Variants in MGAT4C observed in about 807,000 individuals in gnomAD.
The protein encoded by MGAT4C is MGAT4 family member C.
Under a neutral mutation model 40.1 loss-of-function variants are expected in MGAT4C, and 19 were observed. That is an observed-to-expected ratio of 0.47 (90% CI 0.33 to 0.70). The LOEUF (loss-of-function observed/expected upper bound fraction) is 0.70. MGAT4C is among the 30% of genes least tolerant of loss of function. The probability of loss-of-function intolerance (pLI) is 0.02; values close to 1 mark genes in which losing one functional copy is unlikely to be tolerated. For missense variants in MGAT4C, 491 were observed against 563.2 expected (o/e 0.87, Z 1.30); for synonymous variants, 181 against 187.1 (o/e 0.97, Z 0.27).
intron 2 of MGAT4C, among the ~76,000 whole-genome samples, chr12:86,017,629 G>A (rs974884673): frequency 5.3e-5 from 8 of 152,024 alleles, no homozygotes; most frequent in Non-Finnish European, 8.8e-5. Flanking sequence ...CTGAGTACTG[G>A]GGGAACCTCA....
At chr12:86,013,055 A>G (rs1021236678) in intron 2 of MGAT4C, among the ~76,000 whole-genome samples, 1 of 152,002 alleles carries the variant, frequency 6.6e-6, no homozygotes, top group African/African-American at 2.4e-5. Context: ...GGATTGCTTG[A>G]ACCCAGGCAT....
At chr12:86,605,298 G>A (rs1442490656) in intron 2 of MGAT4C, among the ~76,000 whole-genome samples, 2 of 151,830 alleles carry the variant, frequency 1.3e-5, no homozygotes, top group Admixed American at 6.6e-5. Context: ...TCAGTTTCAG[G>A]GATGGGAGTT....
chr12:86,513,657 G>A (rs369086498), intron 2 of MGAT4C, among the ~76,000 whole-genome samples: 9 of 152,098 alleles, frequency 5.9e-5, no homozygotes, highest in Admixed American at 1.3e-4. Context: ...TGGTATCAAT[G>A]GGAATGGTAG....
chr12:86,754,950 C>G (rs140247823), intron 1 of MGAT4C, among the ~76,000 whole-genome samples: 1 of 152,000 alleles, frequency 6.6e-6, no homozygotes, highest in African/African-American at 2.4e-5. Flanking sequence ...TGGTGAGTCT[C>G]TCAAATAATT....
intron 4 of MGAT4C, among the ~76,000 whole-genome samples, chr12:86,311,588 T>C (rs563455504): frequency 6.6e-6 from 1 of 152,248 alleles, no homozygotes; most frequent in South Asian, 2.1e-4. Context: ...AGAGCTGGCT[T>C]CATGGGTATG....
chr12:86,729,195 A>C, intron 1 of MGAT4C, among the ~76,000 whole-genome samples: 1 of 152,176 alleles, frequency 6.6e-6, no homozygotes, highest in Non-Finnish European at 1.5e-5. Flanking sequence ...TTGTACATTT[A>C]AAATAAGTAG....
At chr12:86,588,134 A>T (rs1003516879) in intron 2 of MGAT4C, among the ~76,000 whole-genome samples, 3 of 151,596 alleles carry the variant, frequency 2.0e-5, no homozygotes, top group Non-Finnish European at 4.4e-5. Flanking sequence ...TCAATACCTA[A>T]TTTATTGAGA....
intron 2 of MGAT4C, chr12:86,013,838 T>A: frequency 1.3e-6 from 1 of 797,246 alleles, no homozygotes; most frequent in Non-Finnish European, 1.5e-6. Context: ...TTTTCCATCA[T>A]TCTATTCAAG....
intron 1 of MGAT4C, among the ~76,000 whole-genome samples, chr12:86,069,293 T>C (rs886650018): frequency 1.3e-5 from 2 of 152,150 alleles, no homozygotes; most frequent in Admixed American, 1.3e-4. Flanking sequence ...CACCAACAAA[T>C]ACAGTAATTC....
At chr12:86,497,341 C>T (rs1958255024) in intron 2 of MGAT4C, among the ~76,000 whole-genome samples, 1 of 151,874 alleles carries the variant, frequency 6.6e-6, no homozygotes, top group African/African-American at 2.4e-5. Flanking sequence ...GTTTTTGATG[C>T]TTTGACAAGG....
intron 2 of MGAT4C, among the ~76,000 whole-genome samples, chr12:86,726,116 A>G (rs535886550): frequency 5.9e-5 from 9 of 152,340 alleles, no homozygotes; most frequent in African/African-American, 2.2e-4. Context: ...TAATTACAAC[A>G]GAAACATCAT....
intron 2 of MGAT4C, among the ~76,000 whole-genome samples, chr12:85,997,210 G>T (rs1886727382): frequency 6.6e-6 from 1 of 152,170 alleles, no homozygotes; most frequent in South Asian, 2.1e-4. Flanking sequence ...ATCAGATATT[G>T]TGAGACTTAT....
chr12:86,414,259 T>C (rs1476002154), intron 3 of MGAT4C, among the ~76,000 whole-genome samples: 1 of 152,048 alleles, frequency 6.6e-6, no homozygotes, highest in Non-Finnish European at 1.5e-5. Flanking sequence ...ACATAAAGAT[T>C]CTAAGAATGG....
intron 4 of MGAT4C, among the ~76,000 whole-genome samples, chr12:86,313,066 G>A (rs997588370): frequency 1.3e-5 from 2 of 152,032 alleles, no homozygotes; most frequent in African/African-American, 4.8e-5. Context: ...GTGTTACAGT[G>A]GTGGCTAATG....
intron 1 of MGAT4C, among the ~76,000 whole-genome samples, chr12:86,158,757 T>C (rs1367041309): frequency 6.6e-6 from 1 of 152,156 alleles, no homozygotes; most frequent in Non-Finnish European, 1.5e-5. Context: ...TTATACCTCC[T>C]TGGTTAGCTA....
intron 3 of MGAT4C, among the ~76,000 whole-genome samples, chr12:86,361,095 G>A (rs544457485): frequency 6.6e-6 from 1 of 152,182 alleles, no homozygotes; most frequent in South Asian, 2.1e-4. Flanking sequence ...ATACTACAAG[G>A]CTATAGCAAC....
intron 4 of MGAT4C, among the ~76,000 whole-genome samples, chr12:86,277,555 T>A (rs1279418444): frequency 3.9e-5 from 6 of 152,334 alleles, no homozygotes; most frequent in Admixed American, 6.5e-5. Context: ...TTTAATCAAT[T>A]TTGATTTCAA....
chr12:86,109,522 T>C (rs532930220), intron 1 of MGAT4C, among the ~76,000 whole-genome samples: 1 of 152,200 alleles, frequency 6.6e-6, no homozygotes, highest in Admixed American at 6.6e-5. Context: ...TATCTAATTA[T>C]ATAGATTAGC....
chr12:86,608,003 C>T (rs916284583), intron 2 of MGAT4C, among the ~76,000 whole-genome samples: 4 of 151,806 alleles, frequency 2.6e-5, no homozygotes, highest in South Asian at 2.1e-4. Context: ...TCCAAAAAGC[C>T]GAGAAACATC....
Sources: allele counts gnomAD v4.1 joint callset (sites outside exome capture counted in the v4.1 genomes callset), GRCh38; gene constraint gnomAD v4.1.1; transcripts MANE v1.5; gene names NCBI Gene and HGNC (gene_info 2026-07-23, HGNC 2026-07-21).